EDEM2: variants seen among roughly 807,000 people sequenced by gnomAD.
EDEM2 encodes ER degradation enhancing alpha-mannosidase like protein 2.
A neutral mutation model predicts 64.8 loss-of-function variants in EDEM2; 39 were observed. The observed-to-expected ratio is 0.60, with a 90% confidence interval of 0.47 to 0.79. The LOEUF (loss-of-function observed/expected upper bound fraction) is 0.79. Ranked by LOEUF, EDEM2 falls within the 30% of genes least tolerant of loss-of-function variation. EDEM2 has a pLI of 0.00. For synonymous variants in EDEM2, 296 were observed against 291.5 expected, an observed-to-expected ratio of 1.02 and a Z score of -0.16; for missense variants, 609 against 731.3, an observed-to-expected ratio of 0.83 and a Z score of 1.93.
chr20:35,115,771 C>A lies in EDEM2; in HGVS notation c.1399G>T (p.Gly467Trp). 6.2e-7 allele frequency: 1 copy of A among 1,614,212 alleles called. No individual in the cohort carries two copies. Among genetic ancestry groups the A allele is most frequent in the Non-Finnish European group, 8.5e-7 (1 of 1,180,032 alleles). Residue 467 changes from glycine (G) to tryptophan (W), a missense_variant, in exon 11 of 11, where the codon GGG becomes TGG. Transcript: ENST00000374492. ...GTGTTGAAGATGTACCCCCCAGCCC[C>A]CAGGATGCACTCCCCATAGGGGGTG... ...VITPYGECIL[G>W]AGGYIFNTEA... is the part of the protein sequence containing the mutation.
At chr20:35,119,827 A>T (rs1316425082) in intron 9 of EDEM2, among the ~76,000 whole-genome samples, 1 of 152,156 alleles carries the variant, frequency 6.6e-6, no homozygotes, top group Non-Finnish European at 1.5e-5. Context: ...AAATCCAAAA[A>T]AAATGTGTTT....
intron 5 of EDEM2, 138 bp downstream of exon 5, chr20:35,137,742 G>A: frequency 8.0e-7 from 1 of 1,254,768 alleles, no homozygotes; most frequent in Non-Finnish European, 1.1e-6. Context: ...TTCCATGGTG[G>A]GTGCCTGGTG....
intron 5 of EDEM2, among the ~76,000 whole-genome samples, chr20:35,135,235 A>C (rs989219905): frequency 6.6e-6 from 1 of 152,170 alleles, no homozygotes; most frequent in African/African-American, 2.4e-5. Flanking sequence ...AGAGAGCTTT[A>C]CCTATTTTTA....
intron 4 of EDEM2, 31 bp downstream of exon 4, chr20:35,142,342 T>C: frequency 6.4e-7 from 1 of 1,559,612 alleles, no homozygotes; most frequent in Non-Finnish European, 8.8e-7. Context: ...CACTCTTTTT[T>C]CTTTTAAAGG....
chr20:35,136,353 T>C (rs1277121377), intron 5 of EDEM2, among the ~76,000 whole-genome samples: 1 of 152,110 alleles, frequency 6.6e-6, no homozygotes, highest in Non-Finnish European at 1.5e-5. Flanking sequence ...CAGGACACAA[T>C]GTCTGCAAGG....
In EDEM2 at chr20:35,123,921, C is replaced by A. The variant is rs1045304536; in HGVS notation, c.1083G>T (p.Val361=). The change falls in exon 9 of 11, where the codon GTG becomes GTT. Residue 361 remains valine (V), a synonymous_variant. Coordinates refer to ENST00000374492, the MANE Select transcript of EDEM2 (RefSeq NM_018217.3). ...EFYNIPQGYT[V]EKREGYPLRP... ...GAAGTGGGTAGCCCTCTCGCTTCTCCACTGTGTATCCCTGAGGAATGTTGT... is the reference window on the plus strand; with the variant it reads ...GAAGTGGGTAGCCCTCTCGCTTCTCAACTGTGTATCCCTGAGGAATGTTGT... 6.2e-7 allele frequency: 1 copy of A among 1,614,026 alleles called. No individual in the cohort carries two copies. The highest frequency in any genetic ancestry group is 8.5e-7 in the Non-Finnish European group (1 of 1,180,008).
At chr20:35,138,215 G>A (rs1461702551) in intron 4 of EDEM2, among the ~76,000 whole-genome samples, 3 of 152,086 alleles carry the variant, frequency 2.0e-5, no homozygotes, top group Non-Finnish European at 2.9e-5. Flanking sequence ...GCCACCCAGC[G>A]AAAAAAGAGT....
intron 10 of EDEM2, among the ~76,000 whole-genome samples, chr20:35,117,996 C>T (rs2085327862): frequency 6.6e-6 from 1 of 152,072 alleles, no homozygotes; most frequent in Admixed American, 6.5e-5. Context: ...CCTCTGGGAC[C>T]TTATCTCTTC....
chr20:35,134,419 G>A (rs544526248), intron 6 of EDEM2, among the ~76,000 whole-genome samples: 3 of 152,148 alleles, frequency 2.0e-5, no homozygotes, highest in South Asian at 2.1e-4. Flanking sequence ...AATGAAGGCC[G>A]GACGAGCTGA....
chr20:35,123,810 G>A (rs1053432363), intron 9 of EDEM2, 80 bp downstream of exon 9: 48 of 1,531,706 alleles, frequency 3.1e-5, no homozygotes, highest in Non-Finnish European at 4.2e-5. Flanking sequence ...CAGTTGTGGA[G>A]GATGGAGCCT....
At chr20:35,131,490 TG>T in intron 7 of EDEM2, 151 bp downstream of exon 7, 1 of 906,862 alleles carries the variant, frequency 1.1e-6, no homozygotes, top group Non-Finnish European at 1.7e-6. Flanking sequence ...CACTTGAACC[TG>T]GGAGGCAGAG....
chr20:35,137,364 A>G (rs994785779), intron 5 of EDEM2, among the ~76,000 whole-genome samples: 2 of 152,172 alleles, frequency 1.3e-5, no homozygotes, highest in Non-Finnish European at 2.9e-5. Context: ...GGTTACAGTG[A>G]CTTGAGATTG....
intron 9 of EDEM2, among the ~76,000 whole-genome samples, chr20:35,122,841 T>C (rs1197527631): frequency 2.6e-5 from 4 of 152,094 alleles, no homozygotes; most frequent in African/African-American, 4.8e-5. Context: ...GGAAATGGGG[T>C]AGAGGAAGGC....
intron 7 of EDEM2, among the ~76,000 whole-genome samples, 155 bp from the exon 8 acceptor site, chr20:35,126,530 T>C (rs1045934310): frequency 6.6e-6 from 1 of 152,152 alleles, no homozygotes; most frequent in Non-Finnish European, 1.5e-5. Context: ...GGAGTCAAAC[T>C]TCCAGCTCAA....
chr20:35,144,894 T>A, intron 3 of EDEM2, 85 bp downstream of exon 3: 1 of 1,495,360 alleles, frequency 6.7e-7, no homozygotes, highest in Non-Finnish European at 9.3e-7. Flanking sequence ...AGGAATTCAT[T>A]TTTCACCCAC....
intron 3 of EDEM2, 96 bp downstream of exon 3, chr20:35,144,883 G>C (rs138097048): frequency 7.2e-7 from 1 of 1,398,308 alleles, no homozygotes; most frequent in Non-Finnish European, 1.0e-6. Flanking sequence ...AGGCCTAGGA[G>C]AGGAATTCAT....
chr20:35,118,485 C>T, intron 10 of EDEM2, 113 bp downstream of exon 10: 2 of 1,504,458 alleles, frequency 1.3e-6, no homozygotes, highest in Admixed American at 1.8e-5. Flanking sequence ...TGTATATCTC[C>T]AAGGTCCCTT....
At chr20:35,118,448 C>T (rs1469025717) in intron 10 of EDEM2, 150 bp downstream of exon 10, 1 of 1,192,470 alleles carries the variant, frequency 8.4e-7, no homozygotes, top group Non-Finnish European at 1.2e-6. Flanking sequence ...GTTCTTTGGT[C>T]TCCCCATCTG....
intron 7 of EDEM2, 131 bp from the exon 8 acceptor site, chr20:35,126,506 A>G: frequency 1.8e-6 from 2 of 1,124,440 alleles, no homozygotes; most frequent in Non-Finnish European, 2.5e-6. Flanking sequence ...AGGCTAGACA[A>G]GAGCATGGAT....
Sources: gnomAD v4.1 joint callset for allele counts (sites outside exome capture counted in the v4.1 genomes callset) on GRCh38, gnomAD v4.1.1 for gene constraint, MANE v1.5 for transcripts, NCBI Gene and HGNC (gene_info 2026-07-23, HGNC 2026-07-21) for gene names.